The following ITGA9 variants were observed in gnomAD, a reference collection of about 807,000 sequenced individuals.
ITGA9 encodes the protein integrin subunit alpha 9, also known as integrin alpha-9.
In ITGA9, 56 loss-of-function variants were observed where a neutral mutation model predicts 127.8. That is an observed-to-expected ratio of 0.44 (90% CI 0.35 to 0.55). The LOEUF is 0.55. ITGA9 is among the 20% of genes least tolerant of loss of function. The pLI is 0.00. For synonymous variants in ITGA9, 508 were observed against 514.5 expected, an observed-to-expected ratio of 0.99 and a Z score of 0.17; for missense variants, 1,196 against 1,347.1, an observed-to-expected ratio of 0.89 and a Z score of 1.76.
chr3:37,548,502 G>A (rs267531), intron 15 of ITGA9, among the ~76,000 whole-genome samples: 66,867 of 152,084 alleles, frequency 0.44, 15,653 homozygotes, highest in East Asian at 0.72. Context: ...CGTGGAGATT[G>A]TTCCATATTG....
rs1460317473 is a variant in ITGA9 at position 37,823,094 on chromosome 3, A to G, written c.*4105A>G. The G allele has an allele frequency of 6.6e-6, 1 of 152,216 alleles. No individual in the cohort carries two copies. The highest frequency in any genetic ancestry group is 6.5e-5 in the Admixed American group (1 of 15,286). The allele number at this position is 152,216 out of a possible 1,614,324, so 9.4% of individuals were successfully genotyped here. ...CCAGTAGGGCCAAAATGAAACTTCT[A>G]GGATGTCTTCTGAATTTTCAGCACA... is the stretch of plus-strand genomic sequence containing the variant. On this transcript the variant is annotated 3_prime_UTR_variant, in exon 28 of 28. Transcript: ENST00000264741.
intron 17 of ITGA9, among the ~76,000 whole-genome samples, chr3:37,682,960 C>T (rs1277847368): frequency 1.3e-5 from 2 of 152,192 alleles, no homozygotes; most frequent in East Asian, 3.9e-4. Flanking sequence ...GGCCACTCCA[C>T]AGACCGTTCA....
intron 12 of ITGA9, 91 bp downstream of exon 12, chr3:37,523,702 C>A: frequency 1.1e-6 from 1 of 923,324 alleles, no homozygotes; most frequent in Non-Finnish European, 1.8e-6. Flanking sequence ...ATCATCACAT[C>A]CATTTAGGAT....
At chr3:37,751,674 G>T (rs1450778450) in intron 23 of ITGA9, among the ~76,000 whole-genome samples, 1 of 152,140 alleles carries the variant, frequency 6.6e-6, no homozygotes, top group Non-Finnish European at 1.5e-5. Context: ...TAGCTGGCTT[G>T]CATGGAAGGC....
intron 15 of ITGA9, among the ~76,000 whole-genome samples, chr3:37,545,586 C>T (rs188223964): frequency 5.3e-4 from 81 of 152,334 alleles, no homozygotes; most frequent in Admixed American, 2.7e-3. Flanking sequence ...TACTTTCTCA[C>T]GGCCTCACTG....
chr3:37,540,920 C>T (rs142256395), intron 14 of ITGA9, among the ~76,000 whole-genome samples: 2 of 152,290 alleles, frequency 1.3e-5, no homozygotes, highest in Admixed American at 1.3e-4. Flanking sequence ...TGTTTGCTGG[C>T]GTTAAACAAG....
chr3:37,605,947 T>C (rs530054809), intron 15 of ITGA9, among the ~76,000 whole-genome samples: 2 of 152,154 alleles, frequency 1.3e-5, no homozygotes, highest in Non-Finnish European at 2.9e-5. Flanking sequence ...TATGATATAG[T>C]GTGCATGTGT....
intron 1 of ITGA9, among the ~76,000 whole-genome samples, chr3:37,460,840 T>TG (rs1698308970): frequency 6.6e-6 from 1 of 152,146 alleles, no homozygotes. Flanking sequence ...CTGCCCACTT[T>TG]GGCCTCCCGA....
At chr3:37,557,829 T>G (rs964423714) in intron 15 of ITGA9, among the ~76,000 whole-genome samples, 1 of 152,164 alleles carries the variant, frequency 6.6e-6, no homozygotes, top group Non-Finnish European at 1.5e-5. Flanking sequence ...TAAAATCTCA[T>G]TTTACCATTG....
rs532907144 is a variant in ITGA9 at position 37,737,197 on chromosome 3, G to A, written c.2234+214G>A. The stretch of plus-strand genomic sequence containing the variant: ...CATAGCCGCCACTGCAGATTGAACT[G>A]AGAGGAACTGGGCATCAGCCACTCA... On this transcript the variant is annotated intron_variant, in intron 20 of 27. Coordinates refer to ENST00000264741, the MANE Select transcript of ITGA9 (RefSeq NM_002207.3). Among the ~76,000 whole-genome samples, 7 of 152,310 alleles carry A rather than the reference G, an allele frequency of 4.6e-5. No individual in the cohort carries two copies. In the South Asian group the frequency reaches 1.5e-3, roughly 32 times the overall value.
intron 15 of ITGA9, chr3:37,573,331 G>A (rs1330504913): frequency 2.0e-5 from 3 of 152,154 alleles, no homozygotes; most frequent in Non-Finnish European, 4.4e-5. Context: ...TCTGTTTACT[G>A]AGAGATGATG....
chr3:37,661,300 C>A (rs1413374216), intron 17 of ITGA9, among the ~76,000 whole-genome samples: 1 of 152,166 alleles, frequency 6.6e-6, no homozygotes, highest in Non-Finnish European at 1.5e-5. Context: ...GAAACAATGC[C>A]TTTGGACCGA....
chr3:37,783,823 A>G (rs990283190), intron 25 of ITGA9, among the ~76,000 whole-genome samples: 1 of 152,216 alleles, frequency 6.6e-6, no homozygotes, highest in African/African-American at 2.4e-5. Flanking sequence ...AATGTGTCTT[A>G]TGGTTGTTTT....
intron 13 of ITGA9, 110 bp from the exon 14 acceptor site, chr3:37,533,204 A>G (rs1699173925): frequency 1.6e-5 from 16 of 1,020,954 alleles, no homozygotes; most frequent in Non-Finnish European, 2.3e-5. Context: ...TCATGCTTTA[A>G]TTAAATGCTG....
intron 15 of ITGA9, among the ~76,000 whole-genome samples, chr3:37,593,741 G>C (rs1699842889): frequency 6.6e-6 from 1 of 152,198 alleles, no homozygotes; most frequent in Non-Finnish European, 1.5e-5. Context: ...TGTCTCCCCA[G>C]GCATAGAGTC....
intron 18 of ITGA9, among the ~76,000 whole-genome samples, chr3:37,694,374 G>A (rs1323000814): frequency 6.6e-6 from 1 of 152,224 alleles, no homozygotes; most frequent in Admixed American, 6.5e-5. Flanking sequence ...CTTGCATCAG[G>A]GAGAGCCCAG....
At chr3:37,654,190 C>CACACA (rs1700455091) in intron 17 of ITGA9, among the ~76,000 whole-genome samples, 204 of 146,400 alleles carry the variant, frequency 1.4e-3, no homozygotes, top group African/African-American at 5.0e-3. Context: ...CCTCCTGCCT[C>CACACA]CACACACACA....
chr3:37,618,380 A>C (rs1427413221), intron 15 of ITGA9, among the ~76,000 whole-genome samples: 1 of 152,162 alleles, frequency 6.6e-6, no homozygotes, highest in East Asian at 1.9e-4. Flanking sequence ...CTACTCGGGG[A>C]TGCCTCCCAG....
At chr3:37,470,978 T>C (rs757766737) in intron 1 of ITGA9, 29 bp from the exon 2 acceptor site, 1 of 1,613,736 alleles carries the variant, frequency 6.2e-7, no homozygotes, top group East Asian at 2.2e-5. Flanking sequence ...TCGTAGGTTG[T>C]GACAGAATGC....
Sources: gnomAD v4.1 joint callset for allele counts (sites outside exome capture counted in the v4.1 genomes callset) on GRCh38, gnomAD v4.1.1 for gene constraint, MANE v1.5 for transcripts, NCBI Gene and HGNC (gene_info 2026-07-23, HGNC 2026-07-21) for gene names.